Variants in UBXN2A observed in about 807,000 individuals in gnomAD.
The protein encoded by UBXN2A is UBX domain protein 2A, also known as UBX domain-containing protein 2A.
UBXN2A carries 28 observed loss-of-function variants against 28.4 expected under a neutral mutation model. The observed-to-expected ratio is 0.99, with a 90% CI of 0.73 to 1.35. The LOEUF (loss-of-function observed/expected upper bound fraction) is 1.35, where lower values mean the gene tolerates loss of function less well. Among genes scored for constraint, UBXN2A ranks in the 40% most tolerant of loss-of-function variants. The pLI, the probability that UBXN2A is intolerant of heterozygous loss-of-function variation, is 0.00. For synonymous variants in UBXN2A, 97 were observed against 103.6 expected (o/e 0.94, Z 0.39); for missense variants, 253 against 297.9 (o/e 0.85, Z 1.11).
intron 4 of UBXN2A, among the ~76,000 whole-genome samples, chr2:23,980,237 T>G (rs952144527): frequency 6.6e-6 from 1 of 152,220 alleles, no homozygotes. Flanking sequence ...TGGGCTATTA[T>G]GAATAATGCT....
intron 4 of UBXN2A, among the ~76,000 whole-genome samples, chr2:23,981,476 T>TAAAAAAA (rs55665209): frequency 1.2e-3 from 36 of 28,924 alleles, no homozygotes; most frequent in East Asian, 1.8e-3. Context: ...AGCTCCTATC[T>TAAAAAAA]AAAAAAAAAA....
chr2:23,955,632 G>T (rs1706584864), intron 1 of UBXN2A, among the ~76,000 whole-genome samples: 1 of 152,180 alleles, frequency 6.6e-6, no homozygotes. Flanking sequence ...GCTGTATGGT[G>T]TAGCATATTG....
intron 2 of UBXN2A, among the ~76,000 whole-genome samples, chr2:23,966,906 C>T (rs1707205156): frequency 6.6e-6 from 1 of 151,834 alleles, no homozygotes; most frequent in South Asian, 2.1e-4. Flanking sequence ...TACAGGTGTG[C>T]ACCACCACGC....
intron 3 of UBXN2A, among the ~76,000 whole-genome samples, chr2:23,972,800 C>T (rs113643020): frequency 7.9e-5 from 12 of 151,818 alleles, no homozygotes; most frequent in South Asian, 4.2e-4. Flanking sequence ...CCAGCCTGGG[C>T]GACAGAGCTA....
At chr2:23,938,683 A>G (rs1421494899), upstream of UBXN2A, among the ~76,000 whole-genome samples, 1 of 151,792 alleles carries the variant, frequency 6.6e-6, no homozygotes, top group Admixed American at 6.6e-5. Context: ...CTATACAGCT[A>G]CTATACAGCT....
chr2:23,977,979 G>A (rs1425585888), intron 4 of UBXN2A, among the ~76,000 whole-genome samples: 1 of 152,010 alleles, frequency 6.6e-6, no homozygotes, highest in Admixed American at 6.6e-5. Context: ...TTACGGGTGT[G>A]TGCCACCATG....
chr2:23,962,127 T>C (rs551202941), intron 2 of UBXN2A, among the ~76,000 whole-genome samples: 21 of 152,286 alleles, frequency 1.4e-4, no homozygotes, highest in Admixed American at 9.8e-4. Flanking sequence ...ATTACAGGCA[T>C]GAGCCACCGC....
At chr2:23,942,419 CTTTTTT>C (rs759241567) in intron 1 of UBXN2A, among the ~76,000 whole-genome samples, 2 of 98,134 alleles carry the variant, frequency 2.0e-5, no homozygotes, top group South Asian at 4.0e-4. Flanking sequence ...TGATGCAGGG[CTTTTTT>C]TTTTTTTTTT....
chr2:23,951,913 T>A (rs1312037676), intron 1 of UBXN2A, among the ~76,000 whole-genome samples: 1 of 152,012 alleles, frequency 6.6e-6, no homozygotes, highest in African/African-American at 2.4e-5. Context: ...AAGGAAGAAA[T>A]CTTATGAGAA....
At position 23,977,057 on chromosome 2, in the gene UBXN2A, T is replaced by G; in HGVS notation, c.269T>G (p.Leu90Trp). The G allele has an allele frequency of 6.2e-7, 1 of 1,612,684 alleles. No homozygotes were observed. The change falls in exon 4 of 7, where the codon TTG (leucine) becomes TGG (tryptophan). Residue 90 changes from leucine to tryptophan, a missense_variant. By Grantham distance (61) the Leu-to-Trp change is moderately conservative (BLOSUM62 -2). Transcript: ENST00000309033. ...TCCGATGGTGCCAGTCAGCAGTTTT[T>G]GAACTCCATCAAAAAGGGGTGAGTA... Reference protein sequence around the residue: ...SYSDGASQQFLNSIKKGELPS... With the variant: ...SYSDGASQQFWNSIKKGELPS...
chr2:23,988,699 G>C (rs1047990520), intron 6 of UBXN2A, among the ~76,000 whole-genome samples: 12 of 152,156 alleles, frequency 7.9e-5, no homozygotes, highest in Non-Finnish European at 1.2e-4. Flanking sequence ...TGTATTTAGT[G>C]GGAAGGACTT....
intron 2 of UBXN2A, among the ~76,000 whole-genome samples, chr2:23,958,954 C>T (rs369479783): frequency 2.0e-5 from 3 of 152,110 alleles, no homozygotes; most frequent in Admixed American, 6.6e-5. Context: ...GATCATCTCT[C>T]CTTGGCTTCC....
At position 23,991,436 on chromosome 2, in the gene UBXN2A, C is replaced by CATAT. The variant is rs112419400; in HGVS notation, c.584+6614_584+6617dup. 3.1e-3 allele frequency among the ~76,000 whole-genome samples: 462 copies of CATAT among 150,168 alleles called. 1 individual carries two copies. Among genetic ancestry groups the CATAT allele is most frequent in the Admixed American group, 4.9e-3 (74 of 15,012 alleles). ...ACACACACACACACACACACATATA[C>CATAT]ATATATATATATTATATTTTTTTCT... On this transcript the variant is annotated intron_variant, in intron 6 of 6. Coordinates refer to ENST00000309033, the MANE Select transcript of UBXN2A (RefSeq NM_181713.4).
intron 2 of UBXN2A, among the ~76,000 whole-genome samples, chr2:23,959,831 G>A (rs1489333032): frequency 1.3e-5 from 2 of 152,160 alleles, no homozygotes; most frequent in Non-Finnish European, 2.9e-5. Context: ...GTGGGAGCTA[G>A]TTACATCCTA....
At chr2:23,980,752 C>T (rs1160971265) in intron 4 of UBXN2A, among the ~76,000 whole-genome samples, 1 of 152,118 alleles carries the variant, frequency 6.6e-6, no homozygotes, top group Non-Finnish European at 1.5e-5. Flanking sequence ...CTCAGCCTCC[C>T]AAGTAGCTGG....
chr2:23,932,010 CAA>C (rs959769962), intron 1 of UBXN2A, among the ~76,000 whole-genome samples: 2 of 131,228 alleles, frequency 1.5e-5, no homozygotes, highest in African/African-American at 2.8e-5. Context: ...GACTCCGTCT[CAA>C]AAAAAAAAAA....
In UBXN2A at chr2:23,984,747, T is replaced by C; in HGVS notation, c.500T>C (p.Leu167Pro). The C allele has an allele frequency of 6.4e-7, 1 of 1,565,962 alleles. No individual in the cohort carries two copies. The highest frequency in any genetic ancestry group is 8.6e-7 in the Non-Finnish European group (1 of 1,165,082). Residue 167 changes from leucine (L) to proline (P), a missense_variant, in exon 6 of 7, where the codon CTG becomes CCG. Physicochemically the swap from Leu to Pro is moderately conservative, Grantham distance 98 (BLOSUM62 -3). Transcript: ENST00000309033. ...AAAAATAATTTGTCTGCTGTTCCAC[T>C]GAACAACTTGGAACCCATTACTAAT... ...ENKNNLSAVP[L>P]NNLEPITNIQ...
chr2:23,930,446 A>G (rs1705334269), intron 1 of UBXN2A, among the ~76,000 whole-genome samples: 1 of 152,242 alleles, frequency 6.6e-6, no homozygotes. Flanking sequence ...CAATGTGAAA[A>G]GAAAGAATGA....
chr2:23,991,845 G>A (rs1264707638), intron 6 of UBXN2A, among the ~76,000 whole-genome samples: 1 of 152,080 alleles, frequency 6.6e-6, no homozygotes, highest in Non-Finnish European at 1.5e-5. Flanking sequence ...AGGCTGGAGT[G>A]CAGTGGCATG....
Sources: gnomAD v4.1 joint callset for allele counts (sites outside exome capture counted in the v4.1 genomes callset) on GRCh38, gnomAD v4.1.1 for gene constraint, MANE v1.5 for transcripts, NCBI Gene and HGNC (gene_info 2026-07-23, HGNC 2026-07-21) for gene names.